Variants in DCLK1 observed in about 807,000 individuals in gnomAD.
The protein encoded by DCLK1 is serine/threonine-protein kinase DCLK1.
In DCLK1, 16 loss-of-function variants were observed where a neutral mutation model predicts 86.2. The ratio of observed to expected loss-of-function variants is 0.19; its 90% CI spans 0.13 to 0.28. DCLK1 has a LOEUF of 0.28. Ranked by LOEUF, DCLK1 falls within the 10% of genes least tolerant of loss-of-function variation. The pLI is 1.00. For missense variants in DCLK1, 590 were observed against 940.2 expected (o/e 0.63, Z 4.87); for synonymous variants, 369 against 370.5 (o/e 1.00, Z 0.05).
chr13:35,856,446 G>T (rs865934241), intron 5 of DCLK1, among the ~76,000 whole-genome samples: 2 of 152,152 alleles, frequency 1.3e-5, no homozygotes, highest in East Asian at 1.9e-4. Flanking sequence ...TTACCCACCC[G>T]CATTCTACTG....
At chr13:36,072,256 G>C (rs779239578) in intron 3 of DCLK1, among the ~76,000 whole-genome samples, 6 of 152,180 alleles carry the variant, frequency 3.9e-5, no homozygotes, top group Non-Finnish European at 5.9e-5. Context: ...GTATGCACAA[G>C]TGTCCCTCTG....
intron 3 of DCLK1, among the ~76,000 whole-genome samples, chr13:35,950,551 T>TTTTTTTAAATCTTTAAATCTTTAAAAA (rs1877611137): frequency 1.3e-5 from 2 of 152,254 alleles, no homozygotes; most frequent in Non-Finnish European, 2.9e-5. Context: ...TCAGTGTAGT[T>TTTTTTTAAATCTTTAAATCTTTAAAAA]ACCAGTTTTT....
chr13:36,020,517 C>G (rs1881730391), intron 3 of DCLK1, among the ~76,000 whole-genome samples: 2 of 152,092 alleles, frequency 1.3e-5, no homozygotes, highest in South Asian at 4.2e-4. Context: ...TTTTCTTCCC[C>G]TATTCCCATT....
chr13:36,062,291 C>A (rs1486710191), intron 3 of DCLK1, among the ~76,000 whole-genome samples: 1 of 152,136 alleles, frequency 6.6e-6, no homozygotes, highest in Non-Finnish European at 1.5e-5. Flanking sequence ...CCTAAATCAT[C>A]CCCCTTTGTC....
At chr13:35,876,750 C>A (rs993200797) in intron 4 of DCLK1, among the ~76,000 whole-genome samples, 5 of 152,136 alleles carry the variant, frequency 3.3e-5, no homozygotes, top group Non-Finnish European at 7.4e-5. Flanking sequence ...CACATGGGGG[C>A]ATTTGCCTTT....
chr13:35,847,954 T>A (rs2153109430), intron 6 of DCLK1: 1 of 985,322 alleles, frequency 1.0e-6, no homozygotes, highest in African/African-American at 1.7e-5. Flanking sequence ...TATAGTCTTT[T>A]GAGTTCACAC....
At chr13:35,870,884 G>C (rs1266790107) in intron 5 of DCLK1, among the ~76,000 whole-genome samples, 1 of 152,186 alleles carries the variant, frequency 6.6e-6, no homozygotes, top group Non-Finnish European at 1.5e-5. Flanking sequence ...ACTCTTCATA[G>C]GCCAGTCTCA....
intron 3 of DCLK1, among the ~76,000 whole-genome samples, chr13:35,958,408 C>A (rs968009225): frequency 6.6e-6 from 1 of 151,584 alleles, no homozygotes; most frequent in Non-Finnish European, 1.5e-5. Context: ...ACTACTATAA[C>A]CATCACCACC....
At chr13:35,801,019 C>A (rs973779873) in intron 15 of DCLK1, among the ~76,000 whole-genome samples, 1 of 151,978 alleles carries the variant, frequency 6.6e-6, no homozygotes, top group Non-Finnish European at 1.5e-5. Flanking sequence ...CCACTGCACC[C>A]GGCCAAGACT....
At chr13:35,981,524 T>A (rs533999906) in intron 3 of DCLK1, among the ~76,000 whole-genome samples, 3 of 152,264 alleles carry the variant, frequency 2.0e-5, no homozygotes, top group African/African-American at 7.2e-5. Flanking sequence ...ACCTTAGGGT[T>A]CACTCTGTGT....
intron 3 of DCLK1, among the ~76,000 whole-genome samples, chr13:35,983,796 T>C (rs1457318822): frequency 2.0e-5 from 3 of 152,206 alleles, no homozygotes; most frequent in Middle Eastern, 3.2e-3. Context: ...AGAGAACTAG[T>C]GAATACAGGA....
chr13:36,007,398 T>A (rs775173237), intron 3 of DCLK1, among the ~76,000 whole-genome samples: 1 of 152,232 alleles, frequency 6.6e-6, no homozygotes, highest in African/African-American at 2.4e-5. Context: ...CAAATGTGAA[T>A]ATAGAATCAT....
chr13:35,988,336 C>T (rs997538846), intron 3 of DCLK1, among the ~76,000 whole-genome samples: 20 of 152,162 alleles, frequency 1.3e-4, no homozygotes, highest in African/African-American at 4.6e-4. Context: ...TGAGGGTGCC[C>T]GTTTTGTACC....
chr13:35,970,986 T>C (rs1434853214), intron 3 of DCLK1, among the ~76,000 whole-genome samples: 1 of 152,094 alleles, frequency 6.6e-6, no homozygotes, highest in Admixed American at 6.6e-5. Flanking sequence ...AAAGGGCCCA[T>C]GGAGTAACAG....
intron 3 of DCLK1, among the ~76,000 whole-genome samples, chr13:35,978,470 T>C (rs1381109492): frequency 6.6e-6 from 1 of 152,088 alleles, no homozygotes; most frequent in Non-Finnish European, 1.5e-5. Flanking sequence ...CCTCCCAAAG[T>C]GCTGGGATTA....
intron 6 of DCLK1, chr13:35,848,769 C>T: frequency 3.0e-6 from 3 of 985,324 alleles, no homozygotes; most frequent in Non-Finnish European, 3.6e-6. Context: ...AACTGTTCCA[C>T]TGCTTTCTTT....
chr13:35,776,315 A>C (rs765767173), intron 16 of DCLK1, among the ~76,000 whole-genome samples: 2 of 152,236 alleles, frequency 1.3e-5, no homozygotes, highest in Non-Finnish European at 2.9e-5. Flanking sequence ...TTGTAAAAAA[A>C]ACAGACGTCT....
intron 3 of DCLK1, among the ~76,000 whole-genome samples, chr13:36,055,976 G>T (rs1251636154): frequency 6.6e-6 from 1 of 151,942 alleles, no homozygotes; most frequent in South Asian, 2.1e-4. Flanking sequence ...ACAGGTGCTG[G>T]AGAGGATGTG....
chr13:36,125,070 T>C (rs912836276), intron 2 of DCLK1, among the ~76,000 whole-genome samples: 7 of 152,162 alleles, frequency 4.6e-5, no homozygotes, highest in Non-Finnish European at 8.8e-5. Context: ...AACAGTCCTA[T>C]TTCCACATTA....
Sources: gnomAD v4.1 joint callset for allele counts (sites outside exome capture counted in the v4.1 genomes callset) on GRCh38, gnomAD v4.1.1 for gene constraint, MANE v1.5 for transcripts, NCBI Gene and HGNC (gene_info 2026-07-23, HGNC 2026-07-21) for gene names.